Variants in SMAP1 observed in about 807,000 individuals in gnomAD.
SMAP1 encodes stromal membrane-associated protein 1.
SMAP1 carries 24 observed loss-of-function variants against 58.5 expected under a neutral mutation model. The observed-to-expected ratio is 0.41, with a 90% CI of 0.30 to 0.58. SMAP1 has a LOEUF of 0.58. SMAP1 is among the 20% of genes least tolerant of loss of function. The pLI, the probability that SMAP1 is intolerant of heterozygous loss-of-function variation, is 0.29. For synonymous variants in SMAP1, 216 were observed against 196.6 expected (o/e 1.10, Z -0.82); for missense variants, 563 against 566.3 (o/e 0.99, Z 0.06).
At chr6:70,792,326 ATTT>A (rs70990333) in intron 5 of SMAP1, among the ~76,000 whole-genome samples, 6,066 of 140,180 alleles carry the variant, frequency 0.043, 145 homozygotes, top group African/African-American at 0.069. Flanking sequence ...CTCTTTACCT[ATTT>A]TTTTTTTTTT....
intron 6 of SMAP1, among the ~76,000 whole-genome samples, chr6:70,801,581 T>C (rs1768855375): frequency 6.6e-6 from 1 of 152,216 alleles, no homozygotes; most frequent in Non-Finnish European, 1.5e-5. Context: ...AATCATGAAG[T>C]CCTTGCCCAT....
intron 1 of SMAP1, among the ~76,000 whole-genome samples, chr6:70,724,292 G>A (rs1768667726): frequency 6.6e-6 from 1 of 151,992 alleles, no homozygotes; most frequent in Non-Finnish European, 1.5e-5. Flanking sequence ...TGCCTCCTGG[G>A]TTCAAGCAAT....
At chr6:70,792,905 T>C (rs937523221) in intron 5 of SMAP1, among the ~76,000 whole-genome samples, 6 of 151,462 alleles carry the variant, frequency 4.0e-5, no homozygotes, top group African/African-American at 1.5e-4. Context: ...CCGTGGGGAG[T>C]GAATTTTGTG....
At chr6:70,794,455 A>G (rs1259738171) in intron 5 of SMAP1, among the ~76,000 whole-genome samples, 2 of 152,210 alleles carry the variant, frequency 1.3e-5, no homozygotes, top group Non-Finnish European at 2.9e-5. Context: ...TTTAAGTTCT[A>G]AGATACATGT....
intron 4 of SMAP1, among the ~76,000 whole-genome samples, chr6:70,776,426 A>C (rs758955627): frequency 6.6e-6 from 1 of 152,068 alleles, no homozygotes; most frequent in East Asian, 1.9e-4. Context: ...TGATCTGCCC[A>C]CCTCGACCTC....
chr6:70,719,202 C>T (rs1333966), intron 1 of SMAP1, among the ~76,000 whole-genome samples: 4,521 of 151,996 alleles, frequency 0.03, 116 homozygotes, highest in Non-Finnish European at 0.045. Flanking sequence ...TGTACTTTGT[C>T]GTTTGGTATT....
chr6:70,713,770 G>A (rs891774817), intron 1 of SMAP1, among the ~76,000 whole-genome samples: 1 of 152,088 alleles, frequency 6.6e-6, no homozygotes, highest in Non-Finnish European at 1.5e-5. Context: ...GGTGTGTAGT[G>A]TTGTTCAAGC....
chr6:70,675,070 A>G (rs377661241), intron 1 of SMAP1, among the ~76,000 whole-genome samples: 10 of 151,906 alleles, frequency 6.6e-5, no homozygotes, highest in Non-Finnish European at 1.3e-4. Context: ...TTAACTTCTA[A>G]TCTATGTTTA....
chr6:70,760,922 A>C (rs191543670), intron 3 of SMAP1, among the ~76,000 whole-genome samples: 1 of 152,216 alleles, frequency 6.6e-6, no homozygotes, highest in East Asian at 1.9e-4. Context: ...ATAAAGCTTT[A>C]CATTAAGCTT....
In SMAP1 at chr6:70,808,902, C is replaced by CTGTGTGTGTGTGTGTG. The variant is rs35577736; in HGVS notation, c.576+10189_576+10204dup. Among the ~76,000 whole-genome samples the CTGTGTGTGTGTGTGTG allele has an allele frequency of 2.8e-5, 4 of 144,766 alleles. No homozygotes were observed. The East Asian group carries it at 6.2e-4, about 22-fold the overall frequency. 95.0% of individuals were successfully genotyped at this position (144,766 alleles called of 152,430 possible). On this transcript the variant is annotated intron_variant, in intron 6 of 10. Transcript: ENST00000370455. The stretch of plus-strand genomic sequence containing the variant: ...TTTATTTCTAGTGCAGGCTGTTTCC[C>CTGTGTGTGTGTGTGTG]TGTGTGTGTGTGTGTGTGTGTGTGT...
At chr6:70,800,602 G>A (rs1768800291) in intron 6 of SMAP1, among the ~76,000 whole-genome samples, 1 of 152,012 alleles carries the variant, frequency 6.6e-6, no homozygotes, top group Non-Finnish European at 1.5e-5. Context: ...GTGCCATGTT[G>A]GTTTGCTGCA....
At chr6:70,809,823 T>C (rs1467493239) in intron 6 of SMAP1, among the ~76,000 whole-genome samples, 1 of 152,222 alleles carries the variant, frequency 6.6e-6, no homozygotes, top group African/African-American at 2.4e-5. Context: ...AGCTTAAAGC[T>C]AGATCTTGAA....
intron 4 of SMAP1, among the ~76,000 whole-genome samples, chr6:70,789,590 T>C (rs1338387286): frequency 6.9e-6 from 1 of 145,550 alleles, no homozygotes; most frequent in Non-Finnish European, 1.5e-5. Flanking sequence ...TTTTTCTTTT[T>C]TCTTTTTTTT....
At chr6:70,752,887 C>T (rs560990265) in intron 2 of SMAP1, among the ~76,000 whole-genome samples, 3 of 152,134 alleles carry the variant, frequency 2.0e-5, no homozygotes, top group Admixed American at 6.6e-5. Flanking sequence ...CACATCCATG[C>T]ACTTTTACGC....
chr6:70,861,213 T>C lies in SMAP1; in HGVS notation c.*879T>C, dbSNP rs1330141569. On this transcript the variant is annotated 3_prime_UTR_variant, in exon 11 of 11. Transcript: ENST00000370455. ...TATTTCCTATGATGTATACTGCCAC[T>C]AACCTTCCAAAAATTACTTAGTATT... is the stretch of plus-strand genomic sequence containing the variant. The C allele has an allele frequency of 5.8e-6, 1 of 171,666 alleles. No individual in the cohort carries two copies. The highest frequency in any genetic ancestry group is 1.3e-5 in the Non-Finnish European group (1 of 78,930). The allele number at this position is 171,666 out of a possible 1,614,324, so 10.6% of individuals were successfully genotyped here. A position where few individuals can be genotyped will look rare whatever the true frequency, so the allele number is the denominator to read the frequency against.
chr6:70,821,064 T>C (rs1769868216), intron 6 of SMAP1, among the ~76,000 whole-genome samples: 1 of 151,804 alleles, frequency 6.6e-6, no homozygotes, highest in Non-Finnish European at 1.5e-5. Context: ...TGTTAGGATT[T>C]CCCCCCCTCC....
Position 70,861,423 on chromosome 6 carries a change from AGTT to A in SMAP1, c.*1095_*1097del, listed in dbSNP as rs1221286674. The stretch of plus-strand genomic sequence containing the variant: ...ACTGTACAAAAAAATCTTCCAATTT[AGTT>A]GTTGTAGAGAAAACATGCAGAACAA... On this transcript the variant is annotated 3_prime_UTR_variant, in exon 11 of 11. Transcript: ENST00000370455. The A allele has an allele frequency of 1.6e-5, 8 of 492,392 alleles. No individual in the cohort carries two copies. The highest frequency in any genetic ancestry group is 1.0e-4 in the Admixed American group (3 of 30,070). The allele number at this position is 492,392 out of a possible 1,614,324, so 30.5% of individuals were successfully genotyped here. A position where few individuals can be genotyped will look rare whatever the true frequency, so the allele number is the denominator to read the frequency against.
intron 6 of SMAP1, among the ~76,000 whole-genome samples, chr6:70,802,657 CTTA>C (rs1768914954): frequency 6.6e-6 from 1 of 152,052 alleles, no homozygotes; most frequent in Admixed American, 6.6e-5. Flanking sequence ...ATAAATAGCT[CTTA>C]TTATTTTGAG....
At chr6:70,770,108 C>G (rs1292084403) in intron 3 of SMAP1, among the ~76,000 whole-genome samples, 1 of 151,714 alleles carries the variant, frequency 6.6e-6, no homozygotes, top group African/African-American at 2.4e-5. Context: ...GAGTTTCTGC[C>G]GAGAGGTCAG....
Sources: allele counts gnomAD v4.1 joint callset (sites outside exome capture counted in the v4.1 genomes callset), GRCh38; gene constraint gnomAD v4.1.1; transcripts MANE v1.5; gene names NCBI Gene and HGNC (gene_info 2026-07-23, HGNC 2026-07-21).